ACAP2: variants seen among roughly 807,000 people sequenced by gnomAD.
ACAP2 encodes arf-GAP with coiled-coil, ANK repeat and PH domain-containing protein 2.
Under a neutral mutation model 115.8 loss-of-function variants are expected in ACAP2, and 39 were observed. The ratio of observed to expected loss-of-function variants is 0.34; its 90% CI spans 0.26 to 0.44. The LOEUF is 0.44. Ranked by LOEUF, ACAP2 falls within the 20% of genes least tolerant of loss-of-function variation. The pLI is 1.00. For synonymous variants in ACAP2, 289 were observed against 315.8 expected (o/e 0.92, Z 0.90); for missense variants, 662 against 927.6 (o/e 0.71, Z 3.72).
rs935294974 is a variant in ACAP2 at position 195,279,042 on chromosome 3, C to T, written c.*286G>A. ...AAAAGAATCACTTTTGTCTAACCTC[C>T]TATCATCTTGTAACCTAGAGATGGC... On this transcript the variant is annotated 3_prime_UTR_variant, in exon 23 of 23. Coordinates refer to ENST00000326793, the MANE Select transcript of ACAP2 (RefSeq NM_012287.6). 4.2e-6 allele frequency: 1 copy of T among 235,772 alleles called. No homozygotes were observed. The highest frequency in any genetic ancestry group is 9.6e-5 in the South Asian group (1 of 10,464). The allele number at this position is 235,772 out of a possible 1,614,324, so 14.6% of individuals were successfully genotyped here.
At position 195,276,731 on chromosome 3, in the gene ACAP2, T is replaced by C. The variant is rs1480579858; in HGVS notation, c.*2597A>G. On this transcript the variant is annotated 3_prime_UTR_variant, in exon 23 of 23. Coordinates refer to ENST00000326793, the MANE Select transcript of ACAP2 (RefSeq NM_012287.6). ...TAATTCAGATTTGTTACATACCATA[T>C]AAAAGCTATTAGTTGACATGGCTAA... 6.6e-6 allele frequency: 1 copy of C among 152,222 alleles called. No individual in the cohort carries two copies. The highest frequency in any genetic ancestry group is 2.4e-5 in the African/African-American group (1 of 41,466). 9.4% of individuals were successfully genotyped at this position (152,222 alleles called of 1,614,324 possible).
intron 18 of ACAP2, among the ~76,000 whole-genome samples, chr3:195,294,287 A>G (rs898332759): frequency 1.3e-5 from 2 of 151,792 alleles, no homozygotes; most frequent in Non-Finnish European, 2.9e-5. Context: ...TTCCTTTAAA[A>G]TATTTAATCA....
chr3:195,297,247 C>T lies in ACAP2; in HGVS notation c.1430G>A (p.Arg477Gln). 1 of 1,612,608 alleles carries T rather than the reference C, an allele frequency of 6.2e-7. No homozygotes were observed. The highest frequency in any genetic ancestry group is 8.5e-7 in the Non-Finnish European group (1 of 1,179,590). ...MCELGNDVINRVYEANVEKMG... is the reference protein window; with the variant it reads ...MCELGNDVINQVYEANVEKMG... ...TTTTTCCACATTAGCTTCATAAACT[C>T]GATTTATAACATCATTCCCCAACTC... The change falls in exon 16 of 23, where the codon CGA becomes CAA. Residue 477 changes from arginine to glutamine, a missense_variant. This residue lies in a region of ACAP2 where 401 missense variants were observed against 604.4 expected (regional missense o/e 0.66). Transcript: ENST00000326793.
intron 22 of ACAP2, among the ~76,000 whole-genome samples, chr3:195,281,232 C>T (rs1164451745): frequency 5.3e-5 from 8 of 152,040 alleles, no homozygotes; most frequent in East Asian, 1.9e-4. Context: ...GGTGAAACCC[C>T]GTCTCTATTA....
intron 2 of ACAP2, among the ~76,000 whole-genome samples, chr3:195,385,155 G>A (rs904255246): frequency 5.3e-5 from 8 of 151,526 alleles, no homozygotes; most frequent in African/African-American, 1.9e-4. Flanking sequence ...GCTCATGCCT[G>A]TAAGCCCAAT....
chr3:195,329,369 A>G (rs996032556), intron 8 of ACAP2, among the ~76,000 whole-genome samples: 4 of 152,156 alleles, frequency 2.6e-5, no homozygotes, highest in African/African-American at 9.7e-5. Context: ...CCTATAACTA[A>G]GCAGGTATCC....
At chr3:195,409,318 T>A (rs1316844034) in intron 1 of ACAP2, among the ~76,000 whole-genome samples, 1 of 151,846 alleles carries the variant, frequency 6.6e-6, no homozygotes, top group Non-Finnish European at 1.5e-5. Context: ...AAAAGGAAAT[T>A]AAGAAAACAA....
chr3:195,408,201 C>T (rs149756921), intron 1 of ACAP2, among the ~76,000 whole-genome samples: 506 of 152,264 alleles, frequency 3.3e-3, no homozygotes, highest in South Asian at 6.2e-3. Context: ...GTGGCTCATG[C>T]CTGTAATCCC....
At chr3:195,290,822 AAATAAATAAATAAATAAATAAATAAAT>A (rs1313972085) in intron 20 of ACAP2, among the ~76,000 whole-genome samples, 4 of 116,982 alleles carry the variant, frequency 3.4e-5, no homozygotes, top group African/African-American at 1.6e-4. Flanking sequence ...CAAAATAAAT[AAATAAATAAATAAATAAATAAATAAAT>A]AATAAATAAA....
chr3:195,303,632 G>A (rs766597045), intron 13 of ACAP2, among the ~76,000 whole-genome samples: 81 of 152,242 alleles, frequency 5.3e-4, no homozygotes, highest in Non-Finnish European at 9.4e-4. Flanking sequence ...AGCTAGACAT[G>A]GTGGTAAGCA....
In ACAP2 at chr3:195,291,746, G is replaced by A. The variant is rs765383587; in HGVS notation, c.2023C>T (p.Arg675Trp). The A allele has an allele frequency of 4.3e-6, 7 of 1,613,976 alleles. No individual in the cohort carries two copies. The highest frequency in any genetic ancestry group is 1.3e-5 in the African/African-American group (1 of 74,998). The change falls in exon 20 of 23, where the codon CGG becomes TGG. Residue 675 changes from arginine to tryptophan, a missense_variant. Arg to Trp is a moderately radical substitution (Grantham distance 101, BLOSUM62 -3). Around this residue, in one of 3 missense-constraint regions of ACAP2, gnomAD observed 128 missense variants for 200.2 expected, o/e 0.64. Coordinates refer to ENST00000326793, the MANE Select transcript of ACAP2 (RefSeq NM_012287.6). ...ACGGTGGCATGGTGCAATGGTCCCC[G>A]CCCTTGGACATCTCTTTGGTTGACA... ...ANVNQRDVQGRGPLHHATVLG... is the reference protein window; with the variant it reads ...ANVNQRDVQGWGPLHHATVLG...
rs760195056 is a variant in ACAP2, at chr3:195,295,694, A to G, written c.1672+14T>C. ...AGAAAATAGCTATAGACACAGTAAGAAAGTTTGCCATACCTGAACTTTGGG... is the reference window on the plus strand; with the variant it reads ...AGAAAATAGCTATAGACACAGTAAGGAAGTTTGCCATACCTGAACTTTGGG... On this transcript the variant is annotated intron_variant, in intron 17 of 22. Coordinates refer to ENST00000326793, the MANE Select transcript of ACAP2 (RefSeq NM_012287.6). 1 of 1,613,886 alleles carries G rather than the reference A, an allele frequency of 6.2e-7. No homozygotes were observed.
rs147553981 is a variant in ACAP2 at position 195,308,719 on chromosome 3, A to G, written c.909+67T>C. ...CACAAATGAGTATGTATAGACTTCA[A>G]TGTTTACCAAAACAGATAAATAACT... is the stretch of plus-strand genomic sequence containing the variant. On this transcript the variant is annotated intron_variant, in intron 11 of 22. Coordinates refer to ENST00000326793, the MANE Select transcript of ACAP2 (RefSeq NM_012287.6). The G allele has an allele frequency of 1.2e-3, 1,607 of 1,325,900 alleles. 9 individuals are homozygous for G. The African/African-American group carries it at 0.019, about 16-fold the overall frequency. The allele number at this position is 1,325,900 out of a possible 1,614,324, so 82.1% of individuals were successfully genotyped here.
At chr3:195,358,268 C>A (rs957581576) in intron 4 of ACAP2, among the ~76,000 whole-genome samples, 1 of 152,164 alleles carries the variant, frequency 6.6e-6, no homozygotes, top group Non-Finnish European at 1.5e-5. Flanking sequence ...AGGATGAGTA[C>A]AAACAAGCCC....
chr3:195,421,447 T>C lies in ACAP2; in HGVS notation c.53+21348A>G, dbSNP rs140628751. 9.8e-5 allele frequency among the ~76,000 whole-genome samples: 15 copies of C among 152,328 alleles called. No individual in the cohort carries two copies. In the East Asian group the frequency reaches 2.9e-3, roughly 29 times the overall value. ...GGATCAAACTCTACCTTCATAACAG[T>C]GTCTTACTTTTACCTCAATGATCAC... is the stretch of plus-strand genomic sequence containing the variant. On this transcript the variant is annotated intron_variant, in intron 1 of 22. Transcript: ENST00000326793.
At chr3:195,417,070 C>A (rs62288439) in intron 1 of ACAP2, among the ~76,000 whole-genome samples, 1 of 149,380 alleles carries the variant, frequency 6.7e-6, no homozygotes, top group Non-Finnish European at 1.5e-5. Flanking sequence ...CATCACAATG[C>A]CTGGCTAATT....
At chr3:195,340,283 C>T (rs147080937) in intron 6 of ACAP2, among the ~76,000 whole-genome samples, 12 of 150,782 alleles carry the variant, frequency 8.0e-5, no homozygotes, top group African/African-American at 2.7e-4. Flanking sequence ...TCTCTCATTT[C>T]GAACTTCTAT....
chr3:195,423,585 T>C (rs1442493658), intron 1 of ACAP2, among the ~76,000 whole-genome samples: 3 of 138,520 alleles, frequency 2.2e-5, no homozygotes, highest in Non-Finnish European at 3.0e-5. Context: ...ATCGCACCAC[T>C]GCACTCCAGC....
chr3:195,348,932 T>C (rs1731358466), intron 4 of ACAP2, among the ~76,000 whole-genome samples: 1 of 152,160 alleles, frequency 6.6e-6, no homozygotes. Context: ...ATCACTTCTA[T>C]TCAACATTAC....
Sources: allele counts gnomAD v4.1 joint callset (sites outside exome capture counted in the v4.1 genomes callset), GRCh38; gene constraint gnomAD v4.1.1; regional missense constraint gnomAD v4.1.1; transcripts MANE v1.5; gene names NCBI Gene and HGNC (gene_info 2026-07-23, HGNC 2026-07-21).